Variants in MRTFA observed in about 807,000 individuals in gnomAD.
MRTFA encodes myocardin-related transcription factor A.
A neutral mutation model predicts 83.5 loss-of-function variants in MRTFA; 20 were observed. The observed-to-expected ratio is 0.24, with a 90% CI of 0.17 to 0.35. The LOEUF is 0.35. Ranked by LOEUF, MRTFA falls within the 10% of genes least tolerant of loss-of-function variation. The pLI is 1.00. For missense variants in MRTFA, 1,200 were observed against 1,224.7 expected (o/e 0.98, Z 0.30); for synonymous variants, 659 against 541.2 (o/e 1.22, Z -3.02).
intron 3 of MRTFA, among the ~76,000 whole-genome samples, chr22:40,548,590 G>GT (rs2055402320): frequency 6.6e-6 from 1 of 152,144 alleles, no homozygotes; most frequent in South Asian, 2.1e-4. Context: ...GCCGGGCCTG[G>GT]TGGCTCACAT....
chr22:40,490,666 A>C (rs1417699927), intron 3 of MRTFA, among the ~76,000 whole-genome samples: 1 of 151,852 alleles, frequency 6.6e-6, no homozygotes, highest in Non-Finnish European at 1.5e-5. Flanking sequence ...ACTGATAATC[A>C]CTCCATCTCG....
rs138219860 is a variant in MRTFA at position 40,626,571 on chromosome 22, C to T, written c.-84+9907G>A. Among the ~76,000 whole-genome samples, 1,281 of 152,246 alleles carry T rather than the reference C, an allele frequency of 8.4e-3. 15 individuals carry two copies. The highest frequency in any genetic ancestry group is 0.027 in the African/African-American group (1,105 of 41,534). On this transcript the variant is annotated intron_variant, in intron 1 of 14. Transcript: ENST00000355630. Reference sequence around the variant, plus strand: ...CTGGAATTACAGGCGTGAGCCACCACGCCCAGCCAACCCTTACTTTTAATT... The same window carrying T: ...CTGGAATTACAGGCGTGAGCCACCATGCCCAGCCAACCCTTACTTTTAATT...
At chr22:40,529,712 T>C (rs2055042552) in intron 3 of MRTFA, among the ~76,000 whole-genome samples, 1 of 152,204 alleles carries the variant, frequency 6.6e-6, no homozygotes, top group Non-Finnish European at 1.5e-5. Flanking sequence ...ACAGAACACT[T>C]AGAAAACTTG....
At chr22:40,562,405 G>A (rs1286125442) in intron 2 of MRTFA, among the ~76,000 whole-genome samples, 1 of 151,274 alleles carries the variant, frequency 6.6e-6, no homozygotes, top group Non-Finnish European at 1.5e-5. Context: ...TATGGATCCA[G>A]GTTAATACCA....
Position 40,580,272 on chromosome 22 carries a change from C to T in MRTFA, c.-22+14402G>A, listed in dbSNP as rs558033420. 2.0e-5 allele frequency among the ~76,000 whole-genome samples: 3 copies of T among 152,210 alleles called. No homozygotes were observed. The East Asian group carries it at 5.8e-4, about 29-fold the overall frequency. On this transcript the variant is annotated intron_variant, in intron 2 of 14. Transcript: ENST00000355630. ...GTAAAGCACTGGCATCATCATGGCTCACTACAGCCTCAAACTCCTGGGCTC... is the reference window on the plus strand; with the variant it reads ...GTAAAGCACTGGCATCATCATGGCTTACTACAGCCTCAAACTCCTGGGCTC...
chr22:40,494,778 T>C (rs1463316738), intron 3 of MRTFA, among the ~76,000 whole-genome samples: 3 of 151,870 alleles, frequency 2.0e-5, no homozygotes, highest in African/African-American at 7.3e-5. Flanking sequence ...ACAACACTGA[T>C]GAACCTCAAA....
intron 3 of MRTFA, among the ~76,000 whole-genome samples, chr22:40,545,829 G>GT (rs1352982504): frequency 6.6e-6 from 1 of 151,344 alleles, no homozygotes; most frequent in African/African-American, 2.4e-5. Context: ...CCTCTCCCCA[G>GT]TTCAAGCGAT....
At chr22:40,422,868 G>A (rs1394405057) in intron 9 of MRTFA, among the ~76,000 whole-genome samples, 7 of 152,354 alleles carry the variant, frequency 4.6e-5, no homozygotes, top group African/African-American at 9.6e-5. Flanking sequence ...GAGAGAGCCT[G>A]GGGAATAAGA....
intron 3 of MRTFA, among the ~76,000 whole-genome samples, chr22:40,475,097 C>G (rs1305333591): frequency 6.7e-6 from 1 of 149,796 alleles, no homozygotes; most frequent in African/African-American, 2.4e-5. Context: ...CCTTGGCCTC[C>G]CAACGTGCTG....
At chr22:40,516,422 GAAAA>G (rs56745896) in intron 3 of MRTFA, among the ~76,000 whole-genome samples, 2 of 47,014 alleles carry the variant, frequency 4.3e-5, no homozygotes, top group African/African-American at 7.7e-5. Context: ...ACTGCCTCAA[GAAAA>G]AAAAAAAAAA....
intron 3 of MRTFA, among the ~76,000 whole-genome samples, chr22:40,490,637 T>C (rs2054258245): frequency 6.6e-6 from 1 of 151,668 alleles, no homozygotes; most frequent in South Asian, 2.1e-4. Flanking sequence ...AAAAAAAATA[T>C]TCTCTCTGCA....
chr22:40,545,355 GTTC>G (rs2055346064), intron 3 of MRTFA, among the ~76,000 whole-genome samples: 1 of 152,006 alleles, frequency 6.6e-6, no homozygotes, highest in Non-Finnish European at 1.5e-5. Flanking sequence ...AAGGCTCCAA[GTTC>G]TGTTTAGGAA....
chr22:40,429,075 C>G (rs924844433), intron 7 of MRTFA, among the ~76,000 whole-genome samples: 1 of 152,190 alleles, frequency 6.6e-6, no homozygotes, highest in Non-Finnish European at 1.5e-5. Context: ...GCCTATTCAC[C>G]TGCCTGTTAC....
intron 4 of MRTFA, among the ~76,000 whole-genome samples, chr22:40,435,836 G>C (rs936163723): frequency 1.3e-5 from 2 of 151,870 alleles, no homozygotes; most frequent in Admixed American, 6.6e-5. Context: ...AAGGGAGGCT[G>C]AGGCAGGAGA....
intron 4 of MRTFA, among the ~76,000 whole-genome samples, chr22:40,457,477 A>AGAAG (rs1555972967): frequency 6.9e-6 from 1 of 145,760 alleles, no homozygotes; most frequent in East Asian, 2.3e-4. Flanking sequence ...AAAGAAAGAA[A>AGAAG]GAAAGAAAGA....
At chr22:40,520,476 C>T (rs1308643607) in intron 3 of MRTFA, among the ~76,000 whole-genome samples, 3 of 152,018 alleles carry the variant, frequency 2.0e-5, no homozygotes, top group Non-Finnish European at 2.9e-5. Context: ...GCTTGATCCC[C>T]GTTCACTGCA....
intron 2 of MRTFA, among the ~76,000 whole-genome samples, chr22:40,585,652 C>A (rs994303992): frequency 6.6e-6 from 1 of 152,068 alleles, no homozygotes; most frequent in Non-Finnish European, 1.5e-5. Context: ...ATTTTAAAAG[C>A]ATCAATTAGA....
chr22:40,494,201 TAAACTC>T, intron 3 of MRTFA, among the ~76,000 whole-genome samples: 1 of 152,168 alleles, frequency 6.6e-6, no homozygotes, highest in African/African-American at 2.4e-5. Context: ...GAAATAAAAA[TAAACTC>T]AAATGCCTTT....
intron 3 of MRTFA, among the ~76,000 whole-genome samples, chr22:40,534,167 CA>C (rs1487254654): frequency 5.3e-5 from 8 of 152,192 alleles, no homozygotes; most frequent in Admixed American, 4.6e-4. Context: ...CACATATATA[CA>C]AAATGTAAGC....
Sources: allele counts gnomAD v4.1 joint callset (sites outside exome capture counted in the v4.1 genomes callset), GRCh38; gene constraint gnomAD v4.1.1; transcripts MANE v1.5; gene names NCBI Gene and HGNC (gene_info 2026-07-23, HGNC 2026-07-21).